The following RAB11FIP4 variants were observed in gnomAD, a reference collection of about 807,000 sequenced individuals.
The protein encoded by RAB11FIP4 is rab11 family-interacting protein 4.
In RAB11FIP4, 23 loss-of-function variants were observed where a neutral mutation model predicts 74.3. That is an observed-to-expected ratio of 0.31 (90% CI 0.22 to 0.44). RAB11FIP4 has a LOEUF of 0.44. Ranked by LOEUF, RAB11FIP4 falls within the 20% of genes least tolerant of loss-of-function variation. RAB11FIP4 has a pLI of 1.00. For missense variants in RAB11FIP4, 630 were observed against 863.9 expected (o/e 0.73, Z 3.39); for synonymous variants, 360 against 359.9 (o/e 1.00, Z 0.00).
At chr17:31,451,946 A>T (rs2071531078) in intron 3 of RAB11FIP4, among the ~76,000 whole-genome samples, 1 of 152,088 alleles carries the variant, frequency 6.6e-6, no homozygotes, top group South Asian at 2.1e-4. Flanking sequence ...TACATGTGAT[A>T]TTTCGATAAC....
rs779911480 is a variant in RAB11FIP4, at chr17:31,530,437, G to T, written c.1765G>T (p.Ala589Ser). The T allele has an allele frequency of 1.9e-6, 3 of 1,614,066 alleles. No individual in the cohort carries two copies. The highest frequency in any genetic ancestry group is 2.5e-6 in the Non-Finnish European group (3 of 1,179,968). Residue 589 changes from alanine to serine, a missense_variant, in exon 14 of 15, where the codon GCT becomes TCT. Ala to Ser is a moderately conservative substitution (Grantham distance 99, BLOSUM62 1). Transcript: ENST00000621161. ...TGCCCAGACTAAAGCCCAGTCTCTG[G>T]CTGCGGAGATAGACACCGCCTCGCG... Reference protein sequence around the residue: ...FAAQTKAQSLAAEIDTASRDE... With the variant: ...FAAQTKAQSLSAEIDTASRDE...
At position 31,432,255 on chromosome 17, in the gene RAB11FIP4, G is replaced by C. The variant is rs115668805; in HGVS notation, c.247+355G>C. 8.0e-3 allele frequency among the ~76,000 whole-genome samples: 1,218 copies of C among 152,198 alleles called. 21 individuals carry two copies. The highest frequency in any genetic ancestry group is 0.028 in the African/African-American group (1,156 of 41,526). ...GATGTGGGAGGGACTCCACTTTTAA[G>C]ACCAGGGCAGTCCTGGGCAAACCTG... On this transcript the variant is annotated intron_variant, in intron 2 of 14. Transcript: ENST00000621161.
intron 3 of RAB11FIP4, among the ~76,000 whole-genome samples, chr17:31,515,082 A>G (rs548003838): frequency 1.2e-3 from 181 of 152,280 alleles, no homozygotes; most frequent in Admixed American, 1.8e-3. Flanking sequence ...CATCAGTAAA[A>G]TGGGGATAAT....
intron 9 of RAB11FIP4, chr17:31,524,222 G>T: frequency 3.8e-6 from 2 of 525,128 alleles, no homozygotes; most frequent in South Asian, 4.4e-5. Flanking sequence ...AGGCCCAATG[G>T]ATTCTACCCC....
intron 3 of RAB11FIP4, among the ~76,000 whole-genome samples, chr17:31,457,733 C>T (rs1413741768): frequency 1.3e-5 from 2 of 151,924 alleles, no homozygotes; most frequent in Non-Finnish European, 2.9e-5. Flanking sequence ...CTCCTGCTGC[C>T]CTACCCTCTG....
intron 3 of RAB11FIP4, among the ~76,000 whole-genome samples, chr17:31,442,597 G>A (rs2071416421): frequency 1.3e-5 from 2 of 152,226 alleles, no homozygotes; most frequent in African/African-American, 4.8e-5. Context: ...AATATTTACT[G>A]TCTGCCCTTT....
intron 3 of RAB11FIP4, among the ~76,000 whole-genome samples, chr17:31,463,386 C>T (rs1482133613): frequency 2.0e-5 from 3 of 152,120 alleles, no homozygotes; most frequent in Non-Finnish European, 2.9e-5. Context: ...CCCGCAGTGC[C>T]CTGGCGTGTG....
Position 31,518,719 on chromosome 17 carries a change from A to G in RAB11FIP4, c.563+842A>G, listed in dbSNP as rs116911950. On this transcript the variant is annotated intron_variant, in intron 4 of 14. Coordinates refer to ENST00000621161, the MANE Select transcript of RAB11FIP4 (RefSeq NM_032932.6). ...ACTCCAGCCTGGGCAACATAGCAAG[A>G]CCCCATCTCTAAAAAAACCAAAAAA... 6.1e-3 allele frequency: 925 copies of G among 152,422 alleles called. 23 individuals are homozygous for G. The highest frequency in any genetic ancestry group is 0.04 in the East Asian group (205 of 5,188). 9.4% of individuals were successfully genotyped at this position (152,422 alleles called of 1,614,324 possible).
chr17:31,536,984 G>A lies in RAB11FIP4; in HGVS notation c.*5252G>A. On this transcript the variant is annotated 3_prime_UTR_variant, in exon 15 of 15. Coordinates refer to ENST00000621161, the MANE Select transcript of RAB11FIP4 (RefSeq NM_032932.6). ...GTAAGGTAGAGATGTCTGCCCCGGA[G>A]CTACCAGCTGGGGATGGCATCCAGG... The A allele has an allele frequency of 2.5e-6, 1 of 399,152 alleles. No individual in the cohort carries two copies. Among genetic ancestry groups the A allele is most frequent in the Non-Finnish European group, 4.4e-6 (1 of 226,116 alleles). 24.7% of individuals were successfully genotyped at this position (399,152 alleles called of 1,614,324 possible). A position where few individuals can be genotyped will look rare whatever the true frequency, so the allele number is the denominator to read the frequency against.
At chr17:31,509,029 G>C (rs62063889) in intron 3 of RAB11FIP4, 25,484 of 152,590 alleles carry the variant, frequency 0.17, 2,722 homozygotes, top group Middle Eastern at 0.26. Context: ...TAAATGTCAT[G>C]AGTTCTGGAG....
At chr17:31,428,206 C>T (rs1215201686) in intron 1 of RAB11FIP4, among the ~76,000 whole-genome samples, 2 of 152,240 alleles carry the variant, frequency 1.3e-5, no homozygotes, top group South Asian at 4.1e-4. Flanking sequence ...CCACTGGGCA[C>T]AGCCCCCATG....
intron 3 of RAB11FIP4, among the ~76,000 whole-genome samples, chr17:31,500,724 T>A (rs1342650897): frequency 6.6e-6 from 1 of 152,178 alleles, no homozygotes; most frequent in Non-Finnish European, 1.5e-5. Context: ...ACTGAGAGAA[T>A]GCACAAGAAA....
intron 3 of RAB11FIP4, among the ~76,000 whole-genome samples, chr17:31,452,940 T>G (rs542040446): frequency 2.0e-5 from 3 of 152,278 alleles, no homozygotes; most frequent in African/African-American, 7.2e-5. Flanking sequence ...TAGTGTGGGA[T>G]GGGGCAGCTG....
intron 3 of RAB11FIP4, among the ~76,000 whole-genome samples, chr17:31,480,528 G>A (rs2071836255): frequency 6.6e-6 from 1 of 152,098 alleles, no homozygotes. Flanking sequence ...GGTGGCTCAC[G>A]CCTGTAATCC....
chr17:31,457,018 G>T (rs1367314452), intron 3 of RAB11FIP4, among the ~76,000 whole-genome samples: 1 of 152,144 alleles, frequency 6.6e-6, no homozygotes, highest in East Asian at 1.9e-4. Context: ...AGGTTGAAAA[G>T]GTGGCCTGGT....
chr17:31,489,449 C>T (rs906460817), intron 3 of RAB11FIP4, among the ~76,000 whole-genome samples: 1 of 152,188 alleles, frequency 6.6e-6, no homozygotes, highest in African/African-American at 2.4e-5. Flanking sequence ...CCCCCACCAA[C>T]TAGCCTTGCG....
intron 1 of RAB11FIP4, among the ~76,000 whole-genome samples, chr17:31,420,821 T>C (rs1376747554): frequency 6.6e-6 from 1 of 152,074 alleles, no homozygotes; most frequent in African/African-American, 2.4e-5. Flanking sequence ...CGGTGGCTCA[T>C]GCCTGTAATC....
At chr17:31,458,506 A>G (rs2071602123) in intron 3 of RAB11FIP4, among the ~76,000 whole-genome samples, 1 of 152,188 alleles carries the variant, frequency 6.6e-6, no homozygotes, top group African/African-American at 2.4e-5. Context: ...TTGGTTGAAG[A>G]GGCAGGTGGC....
intron 3 of RAB11FIP4, among the ~76,000 whole-genome samples, chr17:31,503,106 CACTGCA>C (rs1481788636): frequency 1.3e-5 from 2 of 152,172 alleles, no homozygotes; most frequent in African/African-American, 4.8e-5. Context: ...TATCTCGGCT[CACTGCA>C]ACCTCCACCT....
Sources: gnomAD v4.1 joint callset for allele counts (sites outside exome capture counted in the v4.1 genomes callset) on GRCh38, gnomAD v4.1.1 for gene constraint, MANE v1.5 for transcripts, NCBI Gene and HGNC (gene_info 2026-07-23, HGNC 2026-07-21) for gene names.